The following MAML3 variants were observed in gnomAD, a reference collection of about 807,000 sequenced individuals.
MAML3 encodes the protein mastermind-like protein 3.
In MAML3, 27 loss-of-function variants were observed where a neutral mutation model predicts 101.9. That is an observed-to-expected ratio of 0.27 (90% CI 0.20 to 0.37). MAML3 has a LOEUF of 0.37. Ranked by LOEUF, MAML3 falls within the 10% of genes least tolerant of loss-of-function variation. MAML3 has a pLI of 1.00. For synonymous variants in MAML3, 501 were observed against 555.9 expected, an observed-to-expected ratio of 0.90 and a Z score of 1.39; for missense variants, 1,316 against 1,444.9, an observed-to-expected ratio of 0.91 and a Z score of 1.45.
chr4:140,054,499 T>A (rs1727320267), intron 1 of MAML3, among the ~76,000 whole-genome samples: 1 of 152,208 alleles, frequency 6.6e-6, no homozygotes, highest in African/African-American at 2.4e-5. Context: ...CTATTTAACT[T>A]AGTTTCTATG....
At chr4:140,083,965 CACAGAGAGAGAGAGAGAGAG>C (rs1414969958) in intron 1 of MAML3, among the ~76,000 whole-genome samples, 31 of 63,266 alleles carry the variant, frequency 4.9e-4, no homozygotes, top group South Asian at 3.5e-3. Context: ...CACACACACA[CACAGAGAGAGAGAGAGAGAG>C]AGAGAGAGAG....
chr4:140,139,547 T>C (rs933183519), intron 1 of MAML3, among the ~76,000 whole-genome samples: 7 of 152,076 alleles, frequency 4.6e-5, no homozygotes, highest in Admixed American at 4.6e-4. Flanking sequence ...ACAAAATCCA[T>C]AGTAAGGTTA....
chr4:140,119,049 C>A (rs1411498353), intron 1 of MAML3, among the ~76,000 whole-genome samples: 1 of 152,152 alleles, frequency 6.6e-6, no homozygotes, highest in Non-Finnish European at 1.5e-5. Context: ...AGCTTCAATA[C>A]ATACATTAAC....
At chr4:139,989,902 AAG>A (rs1201147049) in intron 1 of MAML3, among the ~76,000 whole-genome samples, 6 of 130,026 alleles carry the variant, frequency 4.6e-5, no homozygotes, top group Non-Finnish European at 1.0e-4. Context: ...GAGAGAGAGA[AAG>A]AGAGAGAGAG....
At chr4:139,929,188 A>C (rs1733329159) in intron 1 of MAML3, among the ~76,000 whole-genome samples, 1 of 152,226 alleles carries the variant, frequency 6.6e-6, no homozygotes, top group South Asian at 2.1e-4. Flanking sequence ...GTGAGTGGAC[A>C]AAAAAGGAGG....
At chr4:140,024,716 A>G (rs1726791881) in intron 1 of MAML3, among the ~76,000 whole-genome samples, 1 of 152,216 alleles carries the variant, frequency 6.6e-6, no homozygotes, top group African/African-American at 2.4e-5. Context: ...TGAAGCCCAT[A>G]ATATAACTAA....
rs576425949 is a variant in MAML3 at position 140,150,631 on chromosome 4, C to A, written c.468+2229G>T. ...GGAGCCCATTTCTCCGCAATCCATGCGCGTGGGGTGTACAAATACACGAAA... is the reference window on the plus strand; with the variant it reads ...GGAGCCCATTTCTCCGCAATCCATGAGCGTGGGGTGTACAAATACACGAAA... On this transcript the variant is annotated intron_variant, in intron 1 of 4. Coordinates refer to ENST00000509479, the MANE Select transcript of MAML3 (RefSeq NM_018717.5). Among the ~76,000 whole-genome samples the A allele has an allele frequency of 8.5e-5, 13 of 152,284 alleles. No individual in the cohort carries two copies. In the South Asian group the frequency reaches 2.7e-3, roughly 32 times the overall value.
chr4:140,128,941 G>A (rs577730581), intron 1 of MAML3, among the ~76,000 whole-genome samples: 4 of 152,202 alleles, frequency 2.6e-5, no homozygotes, highest in East Asian at 1.9e-4. Context: ...GTAGTCTTCC[G>A]AAGACCTAAA....
intron 4 of MAML3, among the ~76,000 whole-genome samples, 168 bp from the exon 5 acceptor site, chr4:139,720,491 C>G (rs1418395279): frequency 1.3e-5 from 2 of 152,148 alleles, no homozygotes; most frequent in African/African-American, 4.8e-5. Flanking sequence ...ATAGCATATG[C>G]TGATTGTGAA....
intron 2 of MAML3, among the ~76,000 whole-genome samples, chr4:139,832,903 C>T (rs1731193709): frequency 6.6e-6 from 1 of 152,148 alleles, no homozygotes; most frequent in East Asian, 1.9e-4. Flanking sequence ...TAAATAATAA[C>T]CTTGGAAGAA....
At chr4:140,021,959 G>A (rs1726740358) in intron 1 of MAML3, among the ~76,000 whole-genome samples, 1 of 152,104 alleles carries the variant, frequency 6.6e-6, no homozygotes, top group Non-Finnish European at 1.5e-5. Context: ...TAGAGATATG[G>A]GAACTGGGAC....
At chr4:139,721,995 AT>A (rs1274246762) in intron 4 of MAML3, among the ~76,000 whole-genome samples, 1 of 152,172 alleles carries the variant, frequency 6.6e-6, no homozygotes, top group Non-Finnish European at 1.5e-5. Context: ...TGAGTCAGAG[AT>A]TGATTGGATA....
intron 1 of MAML3, among the ~76,000 whole-genome samples, chr4:140,006,579 C>A (rs1468911070): frequency 8.3e-6 from 1 of 120,574 alleles, no homozygotes. Flanking sequence ...GAGCGAAACT[C>A]TGTCTCAAAA....
intron 1 of MAML3, among the ~76,000 whole-genome samples, chr4:140,120,462 C>T (rs1012399911): frequency 7.9e-5 from 12 of 152,182 alleles, no homozygotes; most frequent in Non-Finnish European, 1.6e-4. Context: ...ATTTCTGTTT[C>T]TCTATTTCCT....
At chr4:139,829,323 C>T (rs1731122033) in intron 2 of MAML3, among the ~76,000 whole-genome samples, 1 of 152,070 alleles carries the variant, frequency 6.6e-6, no homozygotes, top group African/African-American at 2.4e-5. Context: ...TGAGTTAAAC[C>T]TTAAAGGACT....
At chr4:139,995,742 C>T (rs1022039551) in intron 1 of MAML3, among the ~76,000 whole-genome samples, 1 of 151,958 alleles carries the variant, frequency 6.6e-6, no homozygotes, top group African/African-American at 2.4e-5. Context: ...GTCAGTCTAG[C>T]TACAACTTTT....
intron 1 of MAML3, among the ~76,000 whole-genome samples, chr4:139,925,169 T>C (rs897198626): frequency 6.6e-6 from 1 of 152,134 alleles, no homozygotes; most frequent in Non-Finnish European, 1.5e-5. Context: ...AGAAATGACC[T>C]CAATCTGCAA....
chr4:139,821,271 C>A (rs902661981), intron 2 of MAML3, among the ~76,000 whole-genome samples: 1 of 152,136 alleles, frequency 6.6e-6, no homozygotes, highest in Non-Finnish European at 1.5e-5. Flanking sequence ...CTGTTAGGAA[C>A]CAGGTGGCAC....
chr4:139,804,934 C>A (rs1489849240), intron 2 of MAML3, among the ~76,000 whole-genome samples: 2 of 152,166 alleles, frequency 1.3e-5, no homozygotes, highest in Admixed American at 6.5e-5. Context: ...ATCCCAGCAC[C>A]TTGGGAGGCT....
Sources: allele counts gnomAD v4.1 joint callset (sites outside exome capture counted in the v4.1 genomes callset), GRCh38; gene constraint gnomAD v4.1.1; transcripts MANE v1.5; gene names NCBI Gene and HGNC (gene_info 2026-07-23, HGNC 2026-07-21).